Variants in TULP4 observed in about 807,000 individuals in gnomAD.
TULP4 encodes tubby-related protein 4.
Under a neutral mutation model 129.0 loss-of-function variants are expected in TULP4, and 16 were observed. That is an observed-to-expected ratio of 0.12 (90% CI 0.08 to 0.19). The LOEUF is 0.19. Among genes scored for constraint, TULP4 ranks in the 10% least tolerant of loss-of-function variants. The pLI is 1.00. For synonymous variants in TULP4, 998 were observed against 854.0 expected (o/e 1.17, Z -2.94); for missense variants, 1,842 against 2,059.1 (o/e 0.89, Z 2.04).
At chr6:158,399,364 T>C (rs1777793970) in intron 1 of TULP4, among the ~76,000 whole-genome samples, 1 of 152,270 alleles carries the variant, frequency 6.6e-6, no homozygotes. Context: ...CAGCCAATGA[T>C]TTGGACTTTT....
rs1052309393 is a variant in TULP4, at chr6:158,234,606, T to C, written n.68+2303T>C. Among the ~76,000 whole-genome samples, 4 of 152,360 alleles carry C rather than the reference T, an allele frequency of 2.6e-5. No individual in the cohort carries two copies. The East Asian group carries it at 5.8e-4, about 22-fold the overall frequency. On this transcript the variant is annotated intron_variant and non_coding_transcript_variant, in intron 1 of 1. Transcript: ENST00000620026. ...GTGGCTCAGCTATGCATGTGATTTG[T>C]AAAATGCATTTAAAAACTGAGTACA...
At chr6:158,307,449 T>C (rs1015013087) in intron 1 of TULP4, among the ~76,000 whole-genome samples, 5 of 152,240 alleles carry the variant, frequency 3.3e-5, no homozygotes, top group Admixed American at 3.3e-4. Context: ...CATCCTTGGT[T>C]ACATTAAAAT....
chr6:158,248,323 G>T (rs1778070021), intron 1 of TULP4, among the ~76,000 whole-genome samples: 2 of 152,050 alleles, frequency 1.3e-5, no homozygotes, highest in Admixed American at 6.5e-5. Context: ...AGGCTGGAGT[G>T]CAGTGGCGCA....
At chr6:158,480,985 C>T in intron 7 of TULP4, 70 bp from the exon 8 acceptor site, 1 of 1,412,536 alleles carries the variant, frequency 7.1e-7, no homozygotes, top group Non-Finnish European at 9.5e-7. Context: ...TGCCCCCGTG[C>T]CCACTCTCTT....
intron 3 of TULP4, chr6:158,437,750 A>G (rs1778784623): frequency 1.3e-5 from 2 of 152,110 alleles, no homozygotes; most frequent in Admixed American, 1.3e-4. Context: ...TTAGAACTCA[A>G]GGAGATTTCG....
chr6:158,274,117 G>A (rs1191805454), intron 1 of TULP4, among the ~76,000 whole-genome samples: 1 of 152,046 alleles, frequency 6.6e-6, no homozygotes, highest in Non-Finnish European at 1.5e-5. Flanking sequence ...AATTAGCTGG[G>A]CATGGTGGCG....
Position 158,394,469 on chromosome 6 carries a change from C to T in TULP4, c.253-18596C>T, listed in dbSNP as rs1212199470. On this transcript the variant is annotated intron_variant, in intron 1 of 13. Coordinates refer to ENST00000367097, the MANE Select transcript of TULP4 (RefSeq NM_020245.5). The stretch of plus-strand genomic sequence containing the variant: ...TGGTACCGATTTTCTGTATTACTTC[C>T]ATTGTTATACTGCTATAAAGAACTA... 9.2e-5 allele frequency among the ~76,000 whole-genome samples: 14 copies of T among 152,140 alleles called. No homozygotes were observed. The East Asian group carries it at 2.3e-3, about 25-fold the overall frequency.
At chr6:158,332,357 C>T (rs1361756406) in intron 1 of TULP4, among the ~76,000 whole-genome samples, 1 of 151,724 alleles carries the variant, frequency 6.6e-6, no homozygotes, top group Non-Finnish European at 1.5e-5. Flanking sequence ...GTGGTTCAGC[C>T]TAGCACATAG....
intron 2 of TULP4, among the ~76,000 whole-genome samples, chr6:158,424,990 A>G (rs1778442574): frequency 6.6e-6 from 1 of 151,164 alleles, no homozygotes; most frequent in African/African-American, 2.4e-5. Flanking sequence ...CGTCTCTACT[A>G]AAAATACAAA....
chr6:158,330,637 TC>T (rs1476138275), intron 1 of TULP4, among the ~76,000 whole-genome samples: 1 of 152,236 alleles, frequency 6.6e-6, no homozygotes, highest in Non-Finnish European at 1.5e-5. Context: ...GTTATCAACT[TC>T]AGGAAATTTA....
At chr6:158,448,066 G>A (rs1779090559) in intron 3 of TULP4, among the ~76,000 whole-genome samples, 1 of 152,202 alleles carries the variant, frequency 6.6e-6, no homozygotes, top group Non-Finnish European at 1.5e-5. Context: ...TAGTGTTGTT[G>A]GTTGGTTGGT....
At chr6:158,419,833 A>G (rs1778297007) in intron 2 of TULP4, among the ~76,000 whole-genome samples, 1 of 152,260 alleles carries the variant, frequency 6.6e-6, no homozygotes, top group African/African-American at 2.4e-5. Flanking sequence ...GAAGGAAACT[A>G]ATAGAACTGA....
chr6:158,277,500 A>C (rs1395022989), upstream of TULP4, among the ~76,000 whole-genome samples: 1 of 152,222 alleles, frequency 6.6e-6, no homozygotes, highest in African/African-American at 2.4e-5. Flanking sequence ...GTTTGTAAGA[A>C]GACTTTAACA....
At chr6:158,263,962 C>T (rs1373031286) in intron 1 of TULP4, among the ~76,000 whole-genome samples, 1 of 151,354 alleles carries the variant, frequency 6.6e-6, no homozygotes, top group Non-Finnish European at 1.5e-5. Flanking sequence ...ACTGGGGAGG[C>T]TGAGACAGGA....
At chr6:158,308,617 G>C (rs1302117108), upstream of TULP4, among the ~76,000 whole-genome samples, 1 of 150,944 alleles carries the variant, frequency 6.6e-6, no homozygotes, top group African/African-American at 2.4e-5. Context: ...CGGGGCGGCT[G>C]GTCGGGCGGG....
chr6:158,347,725 G>T (rs562260459), intron 1 of TULP4, among the ~76,000 whole-genome samples: 6 of 152,200 alleles, frequency 3.9e-5, no homozygotes, highest in African/African-American at 1.4e-4. Context: ...TGCCTGGGTG[G>T]TGCCTTCTTG....
intron 2 of TULP4, among the ~76,000 whole-genome samples, chr6:158,426,189 T>C (rs1778487968): frequency 6.6e-6 from 1 of 152,194 alleles, no homozygotes; most frequent in South Asian, 2.1e-4. Context: ...TTTACTTTAT[T>C]GATAGTTTCT....
At chr6:158,262,952 C>T (rs571002266) in intron 1 of TULP4, among the ~76,000 whole-genome samples, 17 of 70,684 alleles carry the variant, frequency 2.4e-4, no homozygotes, top group South Asian at 4.4e-4. Context: ...CTCTGGGACC[C>T]GTCATCATCA....
At chr6:158,422,655 A>G (rs1271587512) in intron 2 of TULP4, among the ~76,000 whole-genome samples, 2 of 152,202 alleles carry the variant, frequency 1.3e-5, no homozygotes, top group Non-Finnish European at 2.9e-5. Flanking sequence ...GGAGGCTCCA[A>G]AGCCGAAAGA....
Sources: gnomAD v4.1 joint callset for allele counts (sites outside exome capture counted in the v4.1 genomes callset) on GRCh38, gnomAD v4.1.1 for gene constraint, MANE v1.5 for transcripts, NCBI Gene and HGNC (gene_info 2026-07-23, HGNC 2026-07-21) for gene names.